Variants in VTCN1 observed in about 807,000 individuals in gnomAD.
VTCN1 encodes V-set domain containing T cell activation inhibitor 1.
Under a neutral mutation model 26.5 loss-of-function variants are expected in VTCN1, and 26 were observed. That is an observed-to-expected ratio of 0.98 (90% confidence interval 0.72 to 1.36). The LOEUF (loss-of-function observed/expected upper bound fraction) is 1.36. VTCN1 is among the 40% of genes most tolerant of loss of function. VTCN1 has a pLI of 0.00. For missense variants in VTCN1, 298 were observed against 337.7 expected (o/e 0.88, Z 0.92); for synonymous variants, 116 against 130.7 (o/e 0.89, Z 0.77).
chr1:117,147,562 G>A lies in VTCN1; in HGVS notation c.*45+51C>T. ...GAAGGCTATCCGACTCTCATTAGGAGCACAAGCACCCACAGAACCAATATC... is the reference window on the plus strand; with the variant it reads ...GAAGGCTATCCGACTCTCATTAGGAACACAAGCACCCACAGAACCAATATC... On this transcript the variant is annotated intron_variant, in intron 5 of 5. Coordinates refer to ENST00000369458, the MANE Select transcript of VTCN1 (RefSeq NM_024626.4). The surrounding 1 kb of genome is among the most constrained non-coding windows in gnomAD (Gnocchi z 4.6). 2.0e-6 allele frequency: 3 copies of A among 1,490,498 alleles called. No homozygotes were observed. The highest frequency in any genetic ancestry group is 2.6e-5 in the South Asian group (2 of 77,208). The allele number at this position is 1,490,498 out of a possible 1,614,324, so 92.3% of individuals were successfully genotyped here. A position where few individuals can be genotyped will look rare whatever the true frequency, so the allele number is the denominator to read the frequency against.
chr1:117,171,696 CTT>C (rs1374995200), intron 1 of VTCN1, among the ~76,000 whole-genome samples: 1 of 152,190 alleles, frequency 6.6e-6, no homozygotes, highest in African/African-American at 2.4e-5. Context: ...GCATGTATAA[CTT>C]ATATCAATTA....
At chr1:117,174,255 G>A (rs1157353765) in intron 1 of VTCN1, among the ~76,000 whole-genome samples, 1 of 152,012 alleles carries the variant, frequency 6.6e-6, no homozygotes, top group Non-Finnish European at 1.5e-5. Flanking sequence ...ATTACAAAAG[G>A]GCCCAAATAA....
chr1:117,187,866 GA>G (rs1001253852), intron 1 of VTCN1, among the ~76,000 whole-genome samples: 5 of 151,588 alleles, frequency 3.3e-5, no homozygotes, highest in Non-Finnish European at 7.4e-5. Flanking sequence ...ATTATAAAAT[GA>G]AAAAAAGAAA....
intron 1 of VTCN1, among the ~76,000 whole-genome samples, chr1:117,190,022 C>G (rs945212245): frequency 3.9e-5 from 6 of 152,212 alleles, no homozygotes; most frequent in Admixed American, 3.3e-4. Flanking sequence ...GGTCCTGCCA[C>G]CAGAACCATC....
At chr1:117,210,357 C>T (rs776795809) in intron 1 of VTCN1, among the ~76,000 whole-genome samples, 2 of 152,136 alleles carry the variant, frequency 1.3e-5, no homozygotes, top group Non-Finnish European at 2.9e-5. Flanking sequence ...AAATCACACC[C>T]ACAGAGAATG....
intron 1 of VTCN1, among the ~76,000 whole-genome samples, chr1:117,187,061 T>A (rs6657305): frequency 1.3e-5 from 2 of 149,426 alleles, no homozygotes; most frequent in Non-Finnish European, 3.0e-5. Flanking sequence ...CCAAGGCAGG[T>A]GGATTGCTTG....
At position 117,183,658 on chromosome 1, in the gene VTCN1, G is replaced by T. The variant is rs1647782196; in HGVS notation, c.33-13487C>A. On this transcript the variant is annotated intron_variant, in intron 1 of 5. Coordinates refer to ENST00000369458, the MANE Select transcript of VTCN1 (RefSeq NM_024626.4). This position sits in a 1 kb window ranked among gnomAD's most constrained non-coding sequence, Gnocchi z 4.1. ...TGGACATTTCTCTCCACAAACAAGG[G>T]GCAAAATAGAAGTGTTTCTCTAAAA... Among the ~76,000 whole-genome samples, 1 of 151,992 alleles carries T rather than the reference G, an allele frequency of 6.6e-6. No individual in the cohort carries two copies. Among genetic ancestry groups the T allele is most frequent in the African/African-American group, 2.4e-5 (1 of 41,360 alleles).
chr1:117,160,446 C>G (rs1327876627), intron 2 of VTCN1, among the ~76,000 whole-genome samples: 1 of 152,190 alleles, frequency 6.6e-6, no homozygotes, highest in African/African-American at 2.4e-5. Flanking sequence ...ACAGGTAGAC[C>G]TTCTTACAGT....
At chr1:117,168,725 A>G (rs6428681) in intron 2 of VTCN1, among the ~76,000 whole-genome samples, 19,220 of 152,178 alleles carry the variant, frequency 0.13, 3,966 homozygotes, top group African/African-American at 0.43. Context: ...CCAATAGAAA[A>G]AAATGAATGG....
chr1:117,173,039 C>T, intron 1 of VTCN1: 3 of 626,976 alleles, frequency 4.8e-6, no homozygotes, highest in Non-Finnish European at 8.9e-6. Flanking sequence ...CTCTTTGGGT[C>T]TGCACTACCT....
At chr1:117,168,585 T>C (rs972657916) in intron 2 of VTCN1, among the ~76,000 whole-genome samples, 4 of 152,190 alleles carry the variant, frequency 2.6e-5, no homozygotes, top group Non-Finnish European at 5.9e-5. Context: ...CTTCTGCTCA[T>C]TGAAAAACAT....
intron 1 of VTCN1, among the ~76,000 whole-genome samples, chr1:117,172,751 A>G (rs1255108338): frequency 6.6e-6 from 1 of 151,450 alleles, no homozygotes; most frequent in Non-Finnish European, 1.5e-5. Flanking sequence ...TCCTAGGTCG[A>G]GTGGGGGACT....
chr1:117,152,961 G>C, intron 4 of VTCN1, 130 bp downstream of exon 4: 1 of 1,063,526 alleles, frequency 9.4e-7, no homozygotes, highest in Non-Finnish European at 1.4e-6. Context: ...GGAATTGAGT[G>C]ATCAAATTCT....
At chr1:117,203,355 G>A (rs1648881850) in intron 1 of VTCN1, among the ~76,000 whole-genome samples, 1 of 152,092 alleles carries the variant, frequency 6.6e-6, no homozygotes, top group Non-Finnish European at 1.5e-5. Flanking sequence ...GTGAGGCAGG[G>A]AGCTACAAGA....
chr1:117,173,636 G>T (rs987542282), intron 1 of VTCN1, among the ~76,000 whole-genome samples: 1 of 152,176 alleles, frequency 6.6e-6, no homozygotes, highest in Non-Finnish European at 1.5e-5. Context: ...ATACAAAAAG[G>T]TTGTTTCAGG....
chr1:117,164,271 T>G (rs1277568144), intron 2 of VTCN1, among the ~76,000 whole-genome samples: 2 of 152,056 alleles, frequency 1.3e-5, no homozygotes, highest in Non-Finnish European at 2.9e-5. Flanking sequence ...GCCCTGTATG[T>G]AAGTCCTAAT....
chr1:117,194,995 G>T (rs1035234059), intron 1 of VTCN1, among the ~76,000 whole-genome samples: 3 of 152,072 alleles, frequency 2.0e-5, no homozygotes, highest in Middle Eastern at 3.2e-3. Context: ...GCCGGGCACG[G>T]TGGCTCATGC....
intron 1 of VTCN1, among the ~76,000 whole-genome samples, chr1:117,181,622 T>C (rs532039026): frequency 1.3e-5 from 2 of 152,316 alleles, no homozygotes; most frequent in African/African-American, 4.8e-5. Flanking sequence ...CCTTCTCTTT[T>C]TTAAATGGAT....
intron 1 of VTCN1, among the ~76,000 whole-genome samples, chr1:117,198,594 C>A (rs1352699884): frequency 1.3e-5 from 2 of 152,194 alleles, no homozygotes; most frequent in African/African-American, 4.8e-5. Flanking sequence ...GAGGCATAAG[C>A]AACCCAGGGC....
Sources: gnomAD v4.1 joint callset for allele counts (sites outside exome capture counted in the v4.1 genomes callset) on GRCh38, gnomAD v4.1.1 for gene constraint, Gnocchi (gnomAD v3.1) non-coding constraint, MANE v1.5 for transcripts, NCBI Gene and HGNC (gene_info 2026-07-23, HGNC 2026-07-21) for gene names.